Variants in DNAH9 observed in about 807,000 individuals in gnomAD.
DNAH9 encodes dynein axonemal heavy chain 9.
Under a neutral mutation model 471.6 loss-of-function variants are expected in DNAH9, and 345 were observed. The ratio of observed to expected loss-of-function variants is 0.73; its 90% CI spans 0.67 to 0.80. The LOEUF (loss-of-function observed/expected upper bound fraction) is 0.80. Among genes scored for constraint, DNAH9 ranks in the 30% least tolerant of loss-of-function variants. The probability of loss-of-function intolerance (pLI) is 0.00; values close to 1 mark genes in which losing one functional copy is unlikely to be tolerated. For synonymous variants in DNAH9, 2,093 were observed against 2,123.6 expected, an observed-to-expected ratio of 0.99 and a Z score of 0.40; for missense variants, 5,407 against 5,609.2, an observed-to-expected ratio of 0.96 and a Z score of 1.15.
At chr17:11,761,182 AGTC>A (rs59248622) in intron 35 of DNAH9, among the ~76,000 whole-genome samples, 65,998 of 152,058 alleles carry the variant, frequency 0.43, 14,494 homozygotes, top group East Asian at 0.52. Context: ...GATCACTTCT[AGTC>A]ACACAGTCAT....
At chr17:11,730,761 G>GATT (rs1314651570) in intron 28 of DNAH9, among the ~76,000 whole-genome samples, 1 of 151,832 alleles carries the variant, frequency 6.6e-6, no homozygotes, top group Non-Finnish European at 1.5e-5. Context: ...TGATGTTAGT[G>GATT]ATGATGATGA....
chr17:11,864,002 T>A (rs1650565098), intron 50 of DNAH9, among the ~76,000 whole-genome samples: 1 of 150,950 alleles, frequency 6.6e-6, no homozygotes. Context: ...TTTGAAGGGT[T>A]TTTTGTGTCT....
chr17:11,633,130 C>T (rs760988616), intron 8 of DNAH9, among the ~76,000 whole-genome samples: 15 of 152,114 alleles, frequency 9.9e-5, no homozygotes, highest in Admixed American at 5.2e-4. Context: ...CTTATCATAT[C>T]ACGCTCAGAT....
At chr17:11,910,341 G>A (rs1457144119) in intron 61 of DNAH9, among the ~76,000 whole-genome samples, 1 of 151,976 alleles carries the variant, frequency 6.6e-6, no homozygotes, top group African/African-American at 2.4e-5. Context: ...TCTTTCATTT[G>A]GCATAATATT....
chr17:11,897,362 T>C (rs1449864279), intron 59 of DNAH9, among the ~76,000 whole-genome samples: 1 of 152,168 alleles, frequency 6.6e-6, no homozygotes, highest in East Asian at 1.9e-4. Flanking sequence ...TTCCAATTAA[T>C]AAAACAAGTC....
intron 67 of DNAH9, among the ~76,000 whole-genome samples, chr17:11,944,881 T>C (rs533293687): frequency 2.6e-5 from 4 of 152,314 alleles, no homozygotes; most frequent in Non-Finnish European, 4.4e-5. Context: ...AGAAAAAAGT[T>C]AGACAGTGGT....
intron 60 of DNAH9, 134 bp downstream of exon 60, chr17:11,903,046 A>T: frequency 9.7e-7 from 1 of 1,033,886 alleles, no homozygotes; most frequent in Non-Finnish European, 1.4e-6. Flanking sequence ...TGGGAATAGA[A>T]ATTAACTAAA....
chr17:11,725,817 A>G (rs1384159725), intron 27 of DNAH9, among the ~76,000 whole-genome samples: 2 of 152,132 alleles, frequency 1.3e-5, no homozygotes, highest in African/African-American at 4.8e-5. Context: ...CAGTGAACTG[A>G]GATTGCGCCA....
At position 11,623,830 on chromosome 17, in the gene DNAH9, G is replaced by C. The variant is rs1229610456; in HGVS notation, c.1350+4049G>C. Among the ~76,000 whole-genome samples the C allele has an allele frequency of 6.6e-6, 1 of 152,168 alleles. No individual in the cohort carries two copies. The highest frequency in any genetic ancestry group is 1.5e-5 in the Non-Finnish European group (1 of 68,040). On this transcript the variant is annotated intron_variant, in intron 6 of 68. Coordinates refer to ENST00000262442, the MANE Select transcript of DNAH9 (RefSeq NM_001372.4). The surrounding 1 kb of genome is among the most constrained non-coding windows in gnomAD (Gnocchi z 4.1). ...ATGCTCTCGTCACGGGTTAGAGTGTGAAGGGCTGGTTTTTAATCCCCACAA... is the reference window on the plus strand; with the variant it reads ...ATGCTCTCGTCACGGGTTAGAGTGTCAAGGGCTGGTTTTTAATCCCCACAA...
rs184239481 is a variant in DNAH9, at chr17:11,851,330, C to G, written c.9508-2673C>G. ...TGGGGTTTTCACCATGTTGGCCAGG[C>G]TGGTCTCGAACTCCTGACCTTAGGT... On this transcript the variant is annotated intron_variant, in intron 49 of 68. Transcript: ENST00000262442. Among the ~76,000 whole-genome samples the G allele has an allele frequency of 6.4e-3, 973 of 152,222 alleles. 15 individuals carry two copies. The highest frequency in any genetic ancestry group is 0.022 in the African/African-American group (925 of 41,532).
intron 59 of DNAH9, among the ~76,000 whole-genome samples, chr17:11,900,576 A>G (rs1973376917): frequency 6.6e-6 from 1 of 150,990 alleles, no homozygotes; most frequent in Non-Finnish European, 1.5e-5. Context: ...CATACCTACC[A>G]AGGCCTCCCT....
chr17:11,831,211 T>C (rs930069701), intron 48 of DNAH9, among the ~76,000 whole-genome samples: 1 of 152,180 alleles, frequency 6.6e-6, no homozygotes, highest in Admixed American at 6.5e-5. Flanking sequence ...TGGCTCACAG[T>C]TCTGCAGGCA....
At chr17:11,708,014 C>CACAGAG (rs1695492180) in intron 26 of DNAH9, among the ~76,000 whole-genome samples, 3 of 52,152 alleles carry the variant, frequency 5.8e-5, no homozygotes, top group African/African-American at 2.2e-4. Flanking sequence ...CACACACACA[C>CACAGAG]AGAGAGAGAG....
intron 53 of DNAH9, among the ~76,000 whole-genome samples, chr17:11,879,825 A>G (rs1972643283): frequency 6.6e-6 from 1 of 152,226 alleles, no homozygotes; most frequent in African/African-American, 2.4e-5. Context: ...AGTATACACC[A>G]AAACGTTGAA....
chr17:11,794,118 C>G lies in DNAH9; in HGVS notation c.8223+454C>G, dbSNP rs191326156. On this transcript the variant is annotated intron_variant, in intron 42 of 68. Transcript: ENST00000262442. ...GGAGTGCAGTGGCGCGATCTCGGCT[C>G]ACTGCAAGCTCCGCCTCCCAGGTTC... Among the ~76,000 whole-genome samples the G allele has an allele frequency of 9.8e-4, 143 of 145,550 alleles. 1 individual carries two copies. The highest frequency in any genetic ancestry group is 3.1e-3 in the Admixed American group (45 of 14,332).
chr17:11,687,116 C>CTA (rs2074255078), intron 19 of DNAH9, among the ~76,000 whole-genome samples: 1 of 152,132 alleles, frequency 6.6e-6, no homozygotes, highest in South Asian at 2.1e-4. Flanking sequence ...GCTCCTCTCT[C>CTA]TATATATATG....
chr17:11,852,019 G>A (rs184456930), intron 49 of DNAH9, among the ~76,000 whole-genome samples: 18 of 152,238 alleles, frequency 1.2e-4, no homozygotes, highest in African/African-American at 2.9e-4. Flanking sequence ...TCAGGGGGCC[G>A]TGACAACAGG....
intron 38 of DNAH9, among the ~76,000 whole-genome samples, chr17:11,773,025 A>G (rs1968272499): frequency 6.6e-6 from 1 of 152,236 alleles, no homozygotes; most frequent in East Asian, 1.9e-4. Flanking sequence ...GGTGTTACCA[A>G]CGATTTAAAA....
Position 11,961,963 on chromosome 17 carries a change from A to C in DNAH9, c.12940A>C (p.Thr4314Pro), listed in dbSNP as rs1347153739. The C allele has an allele frequency of 1.2e-6, 2 of 1,614,146 alleles. No homozygotes were observed. The highest frequency in any genetic ancestry group is 1.7e-6 in the Non-Finnish European group (2 of 1,180,020). The change falls in exon 68 of 69, where the codon ACA becomes CCA. Residue 4314 changes from threonine (T) to proline (P), a missense_variant. By Grantham distance (38) the Thr-to-Pro change is conservative (BLOSUM62 -1). Coordinates refer to ENST00000262442, the MANE Select transcript of DNAH9 (RefSeq NM_001372.4). ...ESWARRAYPS[T>P]AGLAAWFPDL... Reference sequence around the variant, plus strand: ...CTGGGCTAGACGAGCCTACCCTTCCACAGCAGGCCTGGCAGCCTGGTTTCC... The same window carrying C: ...CTGGGCTAGACGAGCCTACCCTTCCCCAGCAGGCCTGGCAGCCTGGTTTCC...
Sources: allele counts gnomAD v4.1 joint callset (sites outside exome capture counted in the v4.1 genomes callset), GRCh38; gene constraint gnomAD v4.1.1; non-coding constraint Gnocchi (gnomAD v3.1); transcripts MANE v1.5; gene names NCBI Gene and HGNC (gene_info 2026-07-23, HGNC 2026-07-21).